PBX2: variants seen among roughly 807,000 people sequenced by gnomAD.
PBX2 encodes the protein pre-B-cell leukemia transcription factor 2.
In PBX2, 10 loss-of-function variants were observed where a neutral mutation model predicts 46.5. The ratio of observed to expected loss-of-function variants is 0.21; its 90% CI spans 0.13 to 0.36. The LOEUF is 0.36. PBX2 is among the 10% of genes least tolerant of loss of function. The pLI is 1.00. For synonymous variants in PBX2, 160 were observed against 222.5 expected (o/e 0.72, Z 2.50); for missense variants, 392 against 580.5 (o/e 0.68, Z 3.34).
Position 32,188,710 on chromosome 6 carries a change from G to A in PBX2, c.295+13C>T. 3.1e-6 allele frequency: 5 copies of A among 1,612,418 alleles called. No individual in the cohort carries two copies. The highest frequency in any genetic ancestry group is 4.2e-6 in the Non-Finnish European group (5 of 1,179,496). The stretch of plus-strand genomic sequence containing the variant: ...GTTCCCAGAGTTGAGCAATCCGGGG[G>A]GGGCCCACATACCAGTTTTCTCCTT... On this transcript the variant is annotated intron_variant, in intron 2 of 8. Coordinates refer to ENST00000375050, the MANE Select transcript of PBX2 (RefSeq NM_002586.5). This position sits in a 1 kb window ranked among gnomAD's most constrained non-coding sequence, Gnocchi z 6.5.
rs766876984 is a variant in PBX2 at position 32,186,930 on chromosome 6, A to T, written c.1025-29T>A. ...GTGGGGGCAGAGAGGGAAGAGTGTA[A>T]TAGAGCCCGTGATGGTAGAGGATGA... On this transcript the variant is annotated intron_variant, in intron 6 of 8. Transcript: ENST00000375050. The surrounding 1 kb of genome is among the most constrained non-coding windows in gnomAD (Gnocchi z 4.2). 1 of 1,586,826 alleles carries T rather than the reference A, an allele frequency of 6.3e-7. No individual in the cohort carries two copies. Among genetic ancestry groups the T allele is most frequent in the Admixed American group, 1.7e-5 (1 of 59,938 alleles).
In PBX2 at chr6:32,186,935, G is replaced by A. The variant is rs372377733; in HGVS notation, c.1025-34C>T. On this transcript the variant is annotated intron_variant, in intron 6 of 8. Coordinates refer to ENST00000375050, the MANE Select transcript of PBX2 (RefSeq NM_002586.5). This position sits in a 1 kb window ranked among gnomAD's most constrained non-coding sequence, Gnocchi z 4.2. ...GGCAGAGAGGGAAGAGTGTAATAGA[G>A]CCCGTGATGGTAGAGGATGAACCAC... The A allele has an allele frequency of 6.4e-6, 10 of 1,559,858 alleles. No individual in the cohort carries two copies. Among genetic ancestry groups the A allele is most frequent in the East Asian group, 4.5e-5 (2 of 44,636 alleles).
Position 32,187,925 on chromosome 6 carries a change from G to C in PBX2, c.734+41C>G. ...CAGGGTCTTGGAGAGGAATGGGAAG[G>C]AGCCCAGTGCTGGGGGCCAGCCTGG... is the stretch of plus-strand genomic sequence containing the variant. On this transcript the variant is annotated intron_variant, in intron 4 of 8. Coordinates refer to ENST00000375050, the MANE Select transcript of PBX2 (RefSeq NM_002586.5). The surrounding 1 kb of genome is among the most constrained non-coding windows in gnomAD (Gnocchi z 7.7). 1 of 1,520,350 alleles carries C rather than the reference G, an allele frequency of 6.6e-7. No individual in the cohort carries two copies. Among genetic ancestry groups the C allele is most frequent in the South Asian group, 1.3e-5 (1 of 78,102 alleles). The allele number at this position is 1,520,350 out of a possible 1,614,324, so 94.2% of individuals were successfully genotyped here.
rs773508810 is a variant in PBX2, at chr6:32,186,927, G to C, written c.1025-26C>G. ...CTTGTGGGGGCAGAGAGGGAAGAGT[G>C]TAATAGAGCCCGTGATGGTAGAGGA... On this transcript the variant is annotated intron_variant, in intron 6 of 8. Transcript: ENST00000375050. The surrounding 1 kb of genome is among the most constrained non-coding windows in gnomAD (Gnocchi z 4.2). 1 of 1,590,758 alleles carries C rather than the reference G, an allele frequency of 6.3e-7. No homozygotes were observed. Among genetic ancestry groups the C allele is most frequent in the Admixed American group, 1.7e-5 (1 of 59,960 alleles).
At position 32,186,517 on chromosome 6, in the gene PBX2, G is replaced by T. The variant is rs1405594722; in HGVS notation, c.1201-43C>A. On this transcript the variant is annotated intron_variant, in intron 8 of 8. Coordinates refer to ENST00000375050, the MANE Select transcript of PBX2 (RefSeq NM_002586.5). The surrounding 1 kb of genome is among the most constrained non-coding windows in gnomAD (Gnocchi z 4.2). Reference sequence around the variant, plus strand: ...GTACAGAAAACAGAGAAAGCCCTGGGAACCCTGTGTGGGCACAACATTACT... The same window carrying T: ...GTACAGAAAACAGAGAAAGCCCTGGTAACCCTGTGTGGGCACAACATTACT... 1 of 1,591,534 alleles carries T rather than the reference G, an allele frequency of 6.3e-7. No homozygotes were observed.
At position 32,186,321 on chromosome 6, in the gene PBX2, C is replaced by G; in HGVS notation, c.*61G>C. On this transcript the variant is annotated 3_prime_UTR_variant, in exon 9 of 9. Coordinates refer to ENST00000375050, the MANE Select transcript of PBX2 (RefSeq NM_002586.5). The surrounding 1 kb of genome is among the most constrained non-coding windows in gnomAD (Gnocchi z 4.2). ...TGTATTGGGGTTTGTCCTCTGGAAG[C>G]CTGCGTCCTCTTCAAGTCGCCTTGT... 8.3e-7 allele frequency: 1 copy of G among 1,207,860 alleles called. No individual in the cohort carries two copies. Among genetic ancestry groups the G allele is most frequent in the African/African-American group, 1.5e-5 (1 of 67,546 alleles). The allele number at this position is 1,207,860 out of a possible 1,614,324, so 74.8% of individuals were successfully genotyped here. A position where few individuals can be genotyped will look rare whatever the true frequency, so the allele number is the denominator to read the frequency against.
Position 32,188,765 on chromosome 6 carries a change from G to A in PBX2, c.253C>T (p.Pro85Ser). ...KHALNCHRMK[P>S]ALFSVLCEIK... ...TCACACAGGACGCTAAAGAGAGCAG[G>A]CTTCATTCGGTGGCAGTTTAGGGCG... is the stretch of plus-strand genomic sequence containing the variant. Residue 85 changes from proline to serine, a missense_variant, in exon 2 of 9, where the codon CCT becomes TCT. Pro to Ser is a moderately conservative substitution (Grantham distance 74). Coordinates refer to ENST00000375050, the MANE Select transcript of PBX2 (RefSeq NM_002586.5). The surrounding 1 kb of genome is among the most constrained non-coding windows in gnomAD (Gnocchi z 6.5). 2 of 1,613,030 alleles carry A rather than the reference G, an allele frequency of 1.2e-6. No individual in the cohort carries two copies. Among genetic ancestry groups the A allele is most frequent in the Non-Finnish European group, 1.7e-6 (2 of 1,180,024 alleles).
chr6:32,187,182 A>C lies in PBX2; in HGVS notation c.1024+60T>G, dbSNP rs1289771690. 1 of 1,600,306 alleles carries C rather than the reference A, an allele frequency of 6.2e-7. No homozygotes were observed. ...TCTGCTATGATCCTGCCTAGATAGG[A>C]AGTGGGAACAAAAGCAGGAAGTGTG... On this transcript the variant is annotated intron_variant, in intron 6 of 8. Transcript: ENST00000375050. The surrounding 1 kb of genome is among the most constrained non-coding windows in gnomAD (Gnocchi z 7.7).
In PBX2 at chr6:32,189,098, T is replaced by G; in HGVS notation, c.222-302A>C. 2.0e-6 allele frequency: 1 copy of G among 498,992 alleles called. No homozygotes were observed. Among genetic ancestry groups the G allele is most frequent in the South Asian group, 2.7e-5 (1 of 36,850 alleles). 30.9% of individuals were successfully genotyped at this position (498,992 alleles called of 1,614,324 possible). On this transcript the variant is annotated intron_variant, in intron 1 of 8. Coordinates refer to ENST00000375050, the MANE Select transcript of PBX2 (RefSeq NM_002586.5). The surrounding 1 kb of genome is among the most constrained non-coding windows in gnomAD (Gnocchi z 4.7). Reference sequence around the variant, plus strand: ...CTGGGAGTGGATGGAGAAAGGAAAGTGACTTGGTAGGTTTCAGAGGGAGAG... The same window carrying G: ...CTGGGAGTGGATGGAGAAAGGAAAGGGACTTGGTAGGTTTCAGAGGGAGAG...
Position 32,187,002 on chromosome 6 carries a change from A to G in PBX2, c.1025-101T>C, listed in dbSNP as rs1210558554. ...GGGGACATGCTACTATACTCCAATTATCCACAAAATAACATTCCAACACAC... is the reference window on the plus strand; with the variant it reads ...GGGGACATGCTACTATACTCCAATTGTCCACAAAATAACATTCCAACACAC... On this transcript the variant is annotated intron_variant, in intron 6 of 8. Transcript: ENST00000375050. This position sits in a 1 kb window ranked among gnomAD's most constrained non-coding sequence, Gnocchi z 7.7. 4.3e-6 allele frequency: 5 copies of G among 1,150,032 alleles called. No homozygotes were observed. Among genetic ancestry groups the G allele is most frequent in the Non-Finnish European group, 6.4e-6 (5 of 783,482 alleles). The allele number at this position is 1,150,032 out of a possible 1,614,324, so 71.2% of individuals were successfully genotyped here. A position where few individuals can be genotyped will look rare whatever the true frequency, so the allele number is the denominator to read the frequency against.
Position 32,188,138 on chromosome 6 carries a change from T to C in PBX2, c.562A>G (p.Thr188Ala). The C allele has an allele frequency of 6.3e-7, 1 of 1,591,468 alleles. No individual in the cohort carries two copies. The change falls in exon 4 of 9, where the codon ACC becomes GCC. Residue 188 changes from threonine (T) to alanine (A), a missense_variant. Around this residue, in one of 3 missense-constraint regions of PBX2, gnomAD observed 80 missense variants for 175.7 expected, o/e 0.46. Coordinates refer to ENST00000375050, the MANE Select transcript of PBX2 (RefSeq NM_002586.5). The surrounding 1 kb of genome is among the most constrained non-coding windows in gnomAD (Gnocchi z 6.5). ...KYEQACNEFT[T>A]HVMNLLREQS... ...TCCCTCAGCAGGTTCATGACATGGG[T>C]CGTGAACTCATTACATGCCTGTAGT...
rs999 is a variant in PBX2 at position 32,186,109 on chromosome 6, C to A, written c.*273G>T. ...AAAGGGGTCTGAGAAATAGGTTTCT[C>A]GGTATGTGTATGTTTCTGTGTAAGA... On this transcript the variant is annotated 3_prime_UTR_variant, in exon 9 of 9. Transcript: ENST00000375050. This position sits in a 1 kb window ranked among gnomAD's most constrained non-coding sequence, Gnocchi z 4.2. 8.3e-6 allele frequency: 4 copies of A among 479,944 alleles called. No individual in the cohort carries two copies. Among genetic ancestry groups the A allele is most frequent in the African/African-American group, 5.9e-5 (3 of 50,720 alleles). 29.7% of individuals were successfully genotyped at this position (479,944 alleles called of 1,614,324 possible).
chr6:32,187,273 G>T lies in PBX2; in HGVS notation c.993C>A (p.Arg331=), dbSNP rs763653442. 1.9e-6 allele frequency: 3 copies of T among 1,612,948 alleles called. No individual in the cohort carries two copies. The highest frequency in any genetic ancestry group is 1.3e-5 in the African/African-American group (1 of 74,922). The change falls in exon 6 of 9, where the codon CGC becomes CGA. Residue 331 remains arginine (R), a synonymous_variant. Transcript: ENST00000375050. The surrounding 1 kb of genome is among the most constrained non-coding windows in gnomAD (Gnocchi z 7.7). ...AGGAAGGGGGTGTCGGGGAGCTGGT[G>T]CGGCTGTGGCCCCCCTGGGTGACTG... ...AVSVTQGGHS[R]TSSPTPPSSA... is the part of the protein sequence containing the mutation.
Position 32,186,826 on chromosome 6 carries a change from T to C in PBX2, c.1100A>G (p.Tyr367Cys). ...LGMPGLNGDS[Y>C]SASQVESLRH... ...TGGGCATCTGACCTGGGAAGCAGAA[T>C]AGGAATCTCCGTTGAGCCCAGGCAT... The change falls in exon 7 of 9, where the codon TAT (tyrosine) becomes TGT (cysteine). Residue 367 changes from tyrosine to cysteine, a missense_variant. Physicochemically the swap from Tyr to Cys is radical, Grantham distance 194. Transcript: ENST00000375050. This position sits in a 1 kb window ranked among gnomAD's most constrained non-coding sequence, Gnocchi z 4.2. 3.1e-6 allele frequency: 5 copies of C among 1,613,968 alleles called. No individual in the cohort carries two copies. The highest frequency in any genetic ancestry group is 4.2e-6 in the Non-Finnish European group (5 of 1,179,938).
chr6:32,188,212 C>CT lies in PBX2; in HGVS notation c.543+44dup. ...GGAGCCCTTTGACCATGGGATTCCC[C>CT]TGCAAGAGCCCTTCCCTCCACCCAC... On this transcript the variant is annotated intron_variant, in intron 3 of 8. Coordinates refer to ENST00000375050, the MANE Select transcript of PBX2 (RefSeq NM_002586.5). This position sits in a 1 kb window ranked among gnomAD's most constrained non-coding sequence, Gnocchi z 6.5. 1 of 1,605,392 alleles carries CT rather than the reference C, an allele frequency of 6.2e-7. No individual in the cohort carries two copies. The highest frequency in any genetic ancestry group is 1.3e-5 in the African/African-American group (1 of 74,918).
In PBX2 at chr6:32,189,703, G is replaced by A. The variant is rs772403365; in HGVS notation, c.213C>T (p.Ala71=). 4.4e-6 allele frequency: 7 copies of A among 1,607,806 alleles called. No homozygotes were observed. Residue 71 remains alanine (A), a synonymous_variant, in exon 1 of 9, where the codon GCC becomes GCT. Coordinates refer to ENST00000375050, the MANE Select transcript of PBX2 (RefSeq NM_002586.5). The surrounding 1 kb of genome is among the most constrained non-coding windows in gnomAD (Gnocchi z 4.7). ...GGAGTGGGGGCACTCACTTGGCCTG[G>A]GCCTCGTCCAGGCTCTGGTCGGTGA... The part of the protein sequence containing the change: ...MTITDQSLDE[A]QAKKHALNCH...
rs748918628 is a variant in PBX2 at position 32,186,718 on chromosome 6, G to A, written c.1114-28C>T. On this transcript the variant is annotated intron_variant, in intron 7 of 8. Coordinates refer to ENST00000375050, the MANE Select transcript of PBX2 (RefSeq NM_002586.5). The surrounding 1 kb of genome is among the most constrained non-coding windows in gnomAD (Gnocchi z 4.2). ...GCAGGCAGCAGAGGAAGGTATGACA[G>A]TGAAGAGAAGCCTCAGAGGAAAGAG... The A allele has an allele frequency of 1.3e-6, 2 of 1,599,432 alleles. No individual in the cohort carries two copies. The highest frequency in any genetic ancestry group is 2.2e-5 in the East Asian group (1 of 44,826).
At position 32,189,240 on chromosome 6, in the gene PBX2, G is replaced by C. The variant is rs983702300; in HGVS notation, c.222-444C>G. Among the ~76,000 whole-genome samples, 3 of 152,006 alleles carry C rather than the reference G, an allele frequency of 2.0e-5. No homozygotes were observed. Among genetic ancestry groups the C allele is most frequent in the African/African-American group, 7.3e-5 (3 of 41,360 alleles). On this transcript the variant is annotated intron_variant, in intron 1 of 8. Coordinates refer to ENST00000375050, the MANE Select transcript of PBX2 (RefSeq NM_002586.5). This position sits in a 1 kb window ranked among gnomAD's most constrained non-coding sequence, Gnocchi z 4.7. ...TGTGAAGGGGTCCTGGGGCTGAGCA[G>C]GTGGGAGGCTTTGATGCACCTAGTG...
rs1786949087 is a variant in PBX2 at position 32,185,013 on chromosome 6, C to T, written c.*1369G>A. ...TGTTGATGTTACTTTTCCCCCACAT[C>T]TGGCTTTTTGCAACCTCCTCCCTCT... On this transcript the variant is annotated 3_prime_UTR_variant, in exon 9 of 9. Transcript: ENST00000375050. 1 of 152,542 alleles carries T rather than the reference C, an allele frequency of 6.6e-6. No individual in the cohort carries two copies. The highest frequency in any genetic ancestry group is 1.5e-5 in the Non-Finnish European group (1 of 68,026). 9.4% of individuals were successfully genotyped at this position (152,542 alleles called of 1,614,324 possible). A position where few individuals can be genotyped will look rare whatever the true frequency, so the allele number is the denominator to read the frequency against.
Sources: allele counts gnomAD v4.1 joint callset (sites outside exome capture counted in the v4.1 genomes callset), GRCh38; gene constraint gnomAD v4.1.1; regional missense constraint gnomAD v4.1.1; non-coding constraint Gnocchi (gnomAD v3.1); transcripts MANE v1.5; gene names NCBI Gene and HGNC (gene_info 2026-07-23, HGNC 2026-07-21).